Variants in DOCK11 observed in about 807,000 individuals in gnomAD.
The protein encoded by DOCK11 is dedicator of cytokinesis protein 11.
Under a neutral mutation model 169.1 loss-of-function variants are expected in DOCK11, and 70 were observed. That is an observed-to-expected ratio of 0.41 (90% CI 0.34 to 0.51). DOCK11 has a LOEUF of 0.51. Among genes scored for constraint, DOCK11 ranks in the 20% least tolerant of loss-of-function variants. The pLI, the probability that DOCK11 is intolerant of heterozygous loss-of-function variation, is 0.10. For synonymous variants in DOCK11, 529 were observed against 541.3 expected (o/e 0.98, Z 0.32); for missense variants, 1,166 against 1,538.8 (o/e 0.76, Z 4.05).
At chrX:118,568,412 A>G (rs1603072750) in intron 10 of DOCK11, among the ~76,000 whole-genome samples, 1 of 31,709 alleles carries the variant, frequency 3.2e-5, no homozygotes, top group Non-Finnish European at 5.9e-5. Context: ...ATATATATAT[A>G]TATATATATA....
At chrX:118,657,417 A>G (rs1286954053) in intron 44 of DOCK11, among the ~76,000 whole-genome samples, 1 of 111,649 alleles carries the variant, frequency 9.0e-6, no homozygotes, top group African/African-American at 3.3e-5. Context: ...ATTAAATTTT[A>G]TTTTATTTTA....
intron 6 of DOCK11, among the ~76,000 whole-genome samples, chrX:118,550,767 C>T (rs1048159393): frequency 8.9e-6 from 1 of 111,833 alleles, no homozygotes; most frequent in East Asian, 2.8e-4. Flanking sequence ...GAGGCTAAAG[C>T]TAAAGATGAG....
Position 118,568,989 on chromosome X carries a change from CT to C in DOCK11, c.1035+829del, listed in dbSNP as rs768165512. Among the ~76,000 whole-genome samples, 3 of 107,917 alleles carry C rather than the reference CT, an allele frequency of 2.8e-5. 1 individual carries two copies. The highest frequency in any genetic ancestry group is 5.8e-5 in the Non-Finnish European group (3 of 52,107). The allele number at this position is 107,917 out of a possible 115,157, so 93.7% of individuals were successfully genotyped here. A position where few individuals can be genotyped will look rare whatever the true frequency, so the allele number is the denominator to read the frequency against. ...CGGAAAATGTGCATTACAGTTTTTT[CT>C]TCCACGAAAATATGAAATAATTTGG... On this transcript the variant is annotated intron_variant, in intron 10 of 52. Coordinates refer to ENST00000276202, the MANE Select transcript of DOCK11 (RefSeq NM_144658.4).
chrX:118,584,938 A>G, intron 15 of DOCK11, 81 bp downstream of exon 15: 1 of 1,149,872 alleles, frequency 8.7e-7, no homozygotes, highest in Non-Finnish European at 1.2e-6. Flanking sequence ...TGAGTCATAT[A>G]TGGGAAAAAC....
chrX:118,609,257 TTC>T lies in DOCK11; in HGVS notation c.2878-17_2878-16del, dbSNP rs1282137074. ...TCAGAGATTTGGTAACCGTTAAAGATTCTCTTTCTTTTTTTTTCAGTACTCAT... is the reference window on the plus strand; with the variant it reads ...TCAGAGATTTGGTAACCGTTAAAGATTCTTTCTTTTTTTTTCAGTACTCAT... On this transcript the variant is annotated intron_variant, in intron 26 of 52. Transcript: ENST00000276202. The T allele has an allele frequency of 3.5e-6, 4 of 1,153,614 alleles. No homozygotes were observed. Among genetic ancestry groups the T allele is most frequent in the South Asian group, 1.9e-5 (1 of 52,734 alleles).
intron 23 of DOCK11, among the ~76,000 whole-genome samples, chrX:118,602,784 G>A (rs753481954): frequency 1.8e-5 from 2 of 111,807 alleles, no homozygotes; most frequent in African/African-American, 6.5e-5. Context: ...CAAGTAATCC[G>A]CCTACCTCAG....
intron 1 of DOCK11, among the ~76,000 whole-genome samples, chrX:118,529,103 C>T (rs1210346536): frequency 7.3e-5 from 8 of 109,549 alleles, no homozygotes; most frequent in African/African-American, 2.7e-4. Context: ...GTCTCAGCCT[C>T]CCAAGTAGCT....
intron 40 of DOCK11, 50 bp from the exon 41 acceptor site, chrX:118,648,895 A>G: frequency 9.2e-7 from 1 of 1,090,025 alleles, no homozygotes; most frequent in South Asian, 2.3e-5. Flanking sequence ...TATTCTATTG[A>G]TTTTATGATT....
chrX:118,632,079 C>T lies in DOCK11; in HGVS notation c.3886+1589C>T, dbSNP rs1016999582. Among the ~76,000 whole-genome samples the T allele has an allele frequency of 7.2e-5, 8 of 111,136 alleles. No individual in the cohort carries two copies. In the East Asian group the frequency reaches 1.7e-3, roughly 23 times the overall value. ...AAGTGATTCTCCTGTTTCAGCCTCC[C>T]GAGTAGCTGGGACTACAGGCGCCCG... On this transcript the variant is annotated intron_variant, in intron 35 of 52. Coordinates refer to ENST00000276202, the MANE Select transcript of DOCK11 (RefSeq NM_144658.4).
intron 14 of DOCK11, among the ~76,000 whole-genome samples, chrX:118,582,028 G>T (rs1028113922): frequency 1.2e-4 from 13 of 109,029 alleles, no homozygotes; most frequent in Non-Finnish European, 1.9e-4. Context: ...TACTCGGGAG[G>T]CTGAGACAGG....
chrX:118,572,490 C>T lies in DOCK11; in HGVS notation c.1176+27C>T, dbSNP rs377587132. Reference sequence around the variant, plus strand: ...TATGTATGACTTTGCCTTCTACCCCCCTTGCATCAGTGCATTAAAGAAATG... The same window carrying T: ...TATGTATGACTTTGCCTTCTACCCCTCTTGCATCAGTGCATTAAAGAAATG... On this transcript the variant is annotated intron_variant, in intron 11 of 52. Transcript: ENST00000276202. 4.3e-6 allele frequency: 5 copies of T among 1,162,072 alleles called. No homozygotes were observed. In the African/African-American group the frequency reaches 5.3e-5, roughly 12 times the overall value.
In DOCK11 at chrX:118,608,059, A is replaced by G; in HGVS notation, c.2682-13A>G. 1.7e-6 allele frequency: 2 copies of G among 1,180,386 alleles called. No individual in the cohort carries two copies. The stretch of plus-strand genomic sequence containing the variant: ...ATAGCATGACATGCTGACTCTTGTG[A>G]ATGTCGTTTCAGGGTTCTCTTACAT... On this transcript the variant is annotated splice_polypyrimidine_tract_variant and intron_variant, in intron 24 of 52. Transcript: ENST00000276202.
chrX:118,550,491 T>G (rs1237701016), intron 6 of DOCK11, among the ~76,000 whole-genome samples: 2 of 111,948 alleles, frequency 1.8e-5, no homozygotes, highest in African/African-American at 6.5e-5. Flanking sequence ...TGAAATTAGT[T>G]GGAACTGCAG....
chrX:118,544,645 C>CTTTTTTTTTTTTTTTTTTTTTTTTTTT lies in DOCK11; in HGVS notation c.393-672_393-646dup, dbSNP rs1157804079. 2.1e-4 allele frequency among the ~76,000 whole-genome samples: 5 copies of CTTTTTTTTTTTTTTTTTTTTTTTTTTT among 23,363 alleles called. 1 individual carries two copies. The highest frequency in any genetic ancestry group is 2.2e-4 in the Non-Finnish European group (3 of 13,900). 20.3% of individuals were successfully genotyped at this position (23,363 alleles called of 115,157 possible). A position where few individuals can be genotyped will look rare whatever the true frequency, so the allele number is the denominator to read the frequency against. On this transcript the variant is annotated intron_variant, in intron 4 of 52. Transcript: ENST00000276202. ...TGCAAGAGCCAGAATTACACTGTTGCTTTTTTTTTTTTTTTTTTTTTTTTT... is the reference window on the plus strand; with the variant it reads ...TGCAAGAGCCAGAATTACACTGTTGCTTTTTTTTTTTTTTTTTTTTTTTTTTTTTTTTTTTTTTTTTTTTTTTTTTTT...
intron 23 of DOCK11, 35 bp from the exon 24 acceptor site, chrX:118,605,203 G>C: frequency 2.0e-6 from 2 of 1,014,741 alleles, no homozygotes; most frequent in Non-Finnish European, 2.7e-6. Context: ...TCATATTTCT[G>C]TTTGTTTTCA....
intron 1 of DOCK11, among the ~76,000 whole-genome samples, chrX:118,513,051 A>C (rs762335389): frequency 9.9e-5 from 11 of 111,589 alleles, no homozygotes; most frequent in African/African-American, 3.6e-4. Context: ...GCCACCTTCC[A>C]GGAAACTCTT....
chrX:118,659,436 T>C (rs747896172), intron 44 of DOCK11, among the ~76,000 whole-genome samples: 23 of 112,166 alleles, frequency 2.1e-4, no homozygotes, highest in Non-Finnish European at 4.1e-4. Flanking sequence ...TGTTGGGATA[T>C]GTACATTGGC....
At chrX:118,603,292 G>A (rs777391209) in intron 23 of DOCK11, among the ~76,000 whole-genome samples, 5 of 112,874 alleles carry the variant, frequency 4.4e-5, no homozygotes, top group Non-Finnish European at 7.5e-5. Context: ...CGGGTATGTC[G>A]TAGGCATGGA....
At chrX:118,612,731 C>T (rs2014713960) in intron 28 of DOCK11, among the ~76,000 whole-genome samples, 2 of 111,671 alleles carry the variant, frequency 1.8e-5, no homozygotes, top group African/African-American at 6.5e-5. Context: ...TAGAGGGTCC[C>T]TGAACAAAGA....
Sources: allele counts gnomAD v4.1 joint callset (sites outside exome capture counted in the v4.1 genomes callset), GRCh38; gene constraint gnomAD v4.1.1; transcripts MANE v1.5; gene names NCBI Gene and HGNC (gene_info 2026-07-23, HGNC 2026-07-21).